The following AP3S2 variants were observed in gnomAD, a reference collection of about 807,000 sequenced individuals.
AP3S2 encodes the protein AP-3 complex subunit sigma-2.
Under a neutral mutation model 23.4 loss-of-function variants are expected in AP3S2, and 22 were observed. The ratio of observed to expected loss-of-function variants is 0.94; its 90% confidence interval spans 0.67 to 1.34. AP3S2 has a LOEUF of 1.34. Ranked by LOEUF, AP3S2 falls within the 40% of genes most tolerant of loss-of-function variation. The probability of loss-of-function intolerance (pLI) is 0.00; values close to 1 mark genes in which losing one functional copy is unlikely to be tolerated. For synonymous variants in AP3S2, 86 were observed against 87.1 expected (o/e 0.99, Z 0.07); for missense variants, 241 against 236.9 (o/e 1.02, Z -0.11).
At chr15:89,892,147 G>T (rs889794773) in intron 1 of AP3S2, among the ~76,000 whole-genome samples, 2 of 152,156 alleles carry the variant, frequency 1.3e-5, no homozygotes, top group African/African-American at 4.8e-5. Context: ...ACTTATTTAT[G>T]ATTCCATTTA....
chr15:89,884,851 T>C (rs1234481551), intron 3 of AP3S2, among the ~76,000 whole-genome samples: 1 of 152,110 alleles, frequency 6.6e-6, no homozygotes, highest in Non-Finnish European at 1.5e-5. Flanking sequence ...GGTTTCACCA[T>C]ATTGGCCTGG....
At chr15:89,849,462 G>T (rs1172728360) in intron 4 of AP3S2, among the ~76,000 whole-genome samples, 1 of 152,026 alleles carries the variant, frequency 6.6e-6, no homozygotes, top group African/African-American at 2.4e-5. Flanking sequence ...CACCTCCCAG[G>T]TCCAAGTGAT....
At chr15:89,871,417 C>A in intron 4 of AP3S2, 58 bp downstream of exon 4, 2 of 1,547,734 alleles carry the variant, frequency 1.3e-6, no homozygotes, top group Non-Finnish European at 1.8e-6. Context: ...CTACAGATGC[C>A]CAAGGCTCTT....
At chr15:89,862,567 T>C (rs971311703) in intron 4 of AP3S2, among the ~76,000 whole-genome samples, 7 of 152,096 alleles carry the variant, frequency 4.6e-5, no homozygotes, top group African/African-American at 1.2e-4. Flanking sequence ...AAGAACAAGA[T>C]ATAAAGAAGG....
intron 4 of AP3S2, among the ~76,000 whole-genome samples, chr15:89,856,872 T>TAA (rs146502390): frequency 3.3e-5 from 4 of 120,624 alleles, no homozygotes; most frequent in Non-Finnish European, 6.9e-5. Context: ...GACTCTGTCT[T>TAA]AAAAAAAAAA....
At chr15:89,846,671 C>T (rs1240725256) in intron 4 of AP3S2, among the ~76,000 whole-genome samples, 4 of 152,102 alleles carry the variant, frequency 2.6e-5, no homozygotes, top group African/African-American at 7.2e-5. Context: ...GGACTACAGG[C>T]GTGTGCCACC....
intron 4 of AP3S2, among the ~76,000 whole-genome samples, chr15:89,847,473 CA>C (rs1895525495): frequency 1.3e-5 from 2 of 148,776 alleles, no homozygotes; most frequent in Admixed American, 1.3e-4. Flanking sequence ...AGTGTTTCTT[CA>C]AGGATACAGA....
At chr15:89,879,961 ATTT>A (rs34697679) in intron 3 of AP3S2, among the ~76,000 whole-genome samples, 31 of 134,228 alleles carry the variant, frequency 2.3e-4, no homozygotes, top group Non-Finnish European at 3.7e-4. Flanking sequence ...CATACTCTTC[ATTT>A]TTTTTTTTTT....
intron 4 of AP3S2, among the ~76,000 whole-genome samples, chr15:89,870,953 T>C (rs989897978): frequency 1.3e-5 from 2 of 152,238 alleles, no homozygotes; most frequent in East Asian, 3.8e-4. Context: ...GAACACCTAC[T>C]TGGGGCCATT....
intron 3 of AP3S2, among the ~76,000 whole-genome samples, chr15:89,883,738 G>A (rs963204064): frequency 9.2e-5 from 14 of 152,110 alleles, no homozygotes; most frequent in Non-Finnish European, 1.6e-4. Flanking sequence ...GATAACATTG[G>A]CTCTGGTTCT....
chr15:89,872,153 AAAG>A (rs1339483766), intron 3 of AP3S2, among the ~76,000 whole-genome samples: 1 of 151,860 alleles, frequency 6.6e-6, no homozygotes, highest in East Asian at 1.9e-4. Context: ...AAATTACATA[AAAG>A]AATAACAAAT....
At chr15:89,868,244 C>T (rs1896203136) in intron 4 of AP3S2, among the ~76,000 whole-genome samples, 1 of 54,074 alleles carries the variant, frequency 1.8e-5, no homozygotes, top group Non-Finnish European at 4.2e-5. Flanking sequence ...CGGCCAGCCG[C>T]CCCGTCTGGG....
intron 5 of AP3S2, among the ~76,000 whole-genome samples, 156 bp downstream of exon 5, chr15:89,837,459 C>G (rs1895220889): frequency 1.3e-5 from 2 of 152,196 alleles, no homozygotes; most frequent in South Asian, 4.1e-4. Context: ...GCTGGCTGAC[C>G]TTCAAATCCA....
At chr15:89,887,634 T>C (rs1402505566) in intron 3 of AP3S2, among the ~76,000 whole-genome samples, 1 of 151,816 alleles carries the variant, frequency 6.6e-6, no homozygotes, top group Non-Finnish European at 1.5e-5. Context: ...AATGCTGAGA[T>C]TACAGGCATG....
At chr15:89,841,555 A>C (rs1895329760) in intron 4 of AP3S2, among the ~76,000 whole-genome samples, 1 of 152,236 alleles carries the variant, frequency 6.6e-6, no homozygotes, top group South Asian at 2.1e-4. Flanking sequence ...AGTTGAGGCT[A>C]AATGAGAAAT....
chr15:89,873,233 A>C (rs1896360443), intron 3 of AP3S2, among the ~76,000 whole-genome samples: 1 of 151,416 alleles, frequency 6.6e-6, no homozygotes, highest in Non-Finnish European at 1.5e-5. Context: ...CCACATTCCT[A>C]ATCAATCTTT....
chr15:89,843,048 G>A (rs1895369879), intron 4 of AP3S2, among the ~76,000 whole-genome samples: 2 of 151,786 alleles, frequency 1.3e-5, no homozygotes, highest in South Asian at 4.2e-4. Context: ...GCAATGGCGC[G>A]ATCTCCGCTC....
At chr15:89,882,920 T>C (rs1896606116) in intron 3 of AP3S2, among the ~76,000 whole-genome samples, 1 of 152,246 alleles carries the variant, frequency 6.6e-6, no homozygotes, top group Non-Finnish European at 1.5e-5. Flanking sequence ...GACGGAATTA[T>C]ACTTGGTTTT....
At chr15:89,869,760 T>A (rs1441150399) in intron 4 of AP3S2, among the ~76,000 whole-genome samples, 1 of 149,254 alleles carries the variant, frequency 6.7e-6, no homozygotes, top group Non-Finnish European at 1.5e-5. Context: ...ATTTGGTTGT[T>A]TTTTTTTTTT....
Sources: allele counts gnomAD v4.1 joint callset (sites outside exome capture counted in the v4.1 genomes callset), GRCh38; gene constraint gnomAD v4.1.1; transcripts MANE v1.5; gene names NCBI Gene and HGNC (gene_info 2026-07-23, HGNC 2026-07-21).